Variants in APBA2 observed in about 807,000 individuals in gnomAD.
The protein encoded by APBA2 is amyloid-beta A4 precursor protein-binding family A member 2.
Under a neutral mutation model 75.0 loss-of-function variants are expected in APBA2, and 30 were observed. The ratio of observed to expected loss-of-function variants is 0.40; its 90% CI spans 0.30 to 0.54. APBA2 has a LOEUF of 0.54. Ranked by LOEUF, APBA2 falls within the 20% of genes least tolerant of loss-of-function variation. The pLI, the probability that APBA2 is intolerant of heterozygous loss-of-function variation, is 0.49. For synonymous variants in APBA2, 444 were observed against 409.6 expected (o/e 1.08, Z -1.01); for missense variants, 801 against 1,016.1 (o/e 0.79, Z 2.88).
At chr15:29,008,424 T>A (rs1158159401) in intron 3 of APBA2, among the ~76,000 whole-genome samples, 2 of 152,134 alleles carry the variant, frequency 1.3e-5, no homozygotes, top group South Asian at 2.1e-4. Context: ...TTTTTTTTCT[T>A]ACAACGGAAA....
intron 2 of APBA2, among the ~76,000 whole-genome samples, chr15:28,924,571 C>G (rs2034154463): frequency 6.6e-6 from 1 of 152,088 alleles, no homozygotes; most frequent in Non-Finnish European, 1.5e-5. Flanking sequence ...TGTGGATGAC[C>G]CATGTTGCAA....
chr15:29,048,045 G>T lies in APBA2; in HGVS notation c.-40-5800G>T, dbSNP rs57128841. On this transcript the variant is annotated intron_variant, in intron 3 of 14. Coordinates refer to ENST00000683413, the MANE Select transcript of APBA2 (RefSeq NM_001353788.2). The stretch of plus-strand genomic sequence containing the variant: ...AAATTGGGTAAAAAGACTCAGTATT[G>T]TAAGTATGAATAATTTCTGAGGCCG... Among the ~76,000 whole-genome samples the T allele has an allele frequency of 7.2e-3, 1,094 of 152,242 alleles. 12 individuals carry two copies. The highest frequency in any genetic ancestry group is 0.025 in the African/African-American group (1,030 of 41,538).
Position 28,975,282 on chromosome 15 carries a change from A to G in APBA2, c.-94-20471A>G, listed in dbSNP as rs542229571. Among the ~76,000 whole-genome samples, 8 of 152,342 alleles carry G rather than the reference A, an allele frequency of 5.3e-5. No homozygotes were observed. In the South Asian group the frequency reaches 1.2e-3, roughly 24 times the overall value. On this transcript the variant is annotated intron_variant, in intron 2 of 14. Coordinates refer to ENST00000683413, the MANE Select transcript of APBA2 (RefSeq NM_001353788.2). Reference sequence around the variant, plus strand: ...ATTCTATCAAATCTTCAAAGAACAGATATCTCAATGCTACTTAAATTATTC... The same window carrying G: ...ATTCTATCAAATCTTCAAAGAACAGGTATCTCAATGCTACTTAAATTATTC...
intron 1 of APBA2, among the ~76,000 whole-genome samples, chr15:28,909,008 A>C (rs1260564655): frequency 3.0e-5 from 4 of 134,890 alleles, no homozygotes; most frequent in African/African-American, 9.0e-5. Context: ...TTTTTTTGAG[A>C]CACTGTCTTG....
intron 1 of APBA2, among the ~76,000 whole-genome samples, chr15:28,904,586 C>T (rs558309009): frequency 1.3e-5 from 2 of 152,324 alleles, no homozygotes; most frequent in Admixed American, 6.5e-5. Context: ...TTGCCCTCCC[C>T]TCTTCCTTCC....
chr15:29,027,548 C>T (rs2040280764), intron 3 of APBA2, among the ~76,000 whole-genome samples: 1 of 151,574 alleles, frequency 6.6e-6, no homozygotes, highest in Non-Finnish European at 1.5e-5. Context: ...TCTTTTTATA[C>T]TGGGCCAACT....
chr15:28,915,998 CA>C (rs2033674836), intron 1 of APBA2, among the ~76,000 whole-genome samples: 2 of 152,214 alleles, frequency 1.3e-5, no homozygotes, highest in Admixed American at 6.5e-5. Context: ...ACACCCCCGC[CA>C]CACACATTTG....
intron 10 of APBA2, among the ~76,000 whole-genome samples, chr15:29,104,700 G>A (rs939954386): frequency 1.3e-5 from 2 of 152,208 alleles, no homozygotes; most frequent in Non-Finnish European, 2.9e-5. Flanking sequence ...TGTTGCTACC[G>A]ATAAATACAT....
intron 4 of APBA2, among the ~76,000 whole-genome samples, chr15:29,067,191 C>T (rs999566054): frequency 7.9e-5 from 12 of 152,208 alleles, no homozygotes; most frequent in African/African-American, 2.9e-4. Context: ...CCAGACACCT[C>T]CTACCAGGCC....
intron 2 of APBA2, among the ~76,000 whole-genome samples, chr15:28,934,908 G>A (rs1180142495): frequency 6.6e-6 from 1 of 152,214 alleles, no homozygotes; most frequent in Admixed American, 6.5e-5. Flanking sequence ...CTGGGATAGA[G>A]CCCGGAGACC....
At position 29,046,327 on chromosome 15, in the gene APBA2, A is replaced by G. The variant is rs917356792; in HGVS notation, c.-40-7518A>G. ...CTTTCCTTCTCACCTCCCCTTGGCC[A>G]CACCCCACTTTTGTGTCTTGGGAAT... On this transcript the variant is annotated intron_variant, in intron 3 of 14. Transcript: ENST00000683413. The surrounding 1 kb of genome is among the most constrained non-coding windows in gnomAD (Gnocchi z 5.0). Among the ~76,000 whole-genome samples the G allele has an allele frequency of 1.4e-4, 21 of 152,212 alleles. No homozygotes were observed. The highest frequency in any genetic ancestry group is 1.2e-3 in the Admixed American group (19 of 15,278).
At chr15:28,985,988 G>C (rs766137970) in intron 2 of APBA2, among the ~76,000 whole-genome samples, 9 of 152,168 alleles carry the variant, frequency 5.9e-5, no homozygotes, top group Admixed American at 1.3e-4. Context: ...CCTCCTGGGG[G>C]ATGTGGTGCC....
intron 3 of APBA2, among the ~76,000 whole-genome samples, chr15:29,002,401 C>T (rs532911360): frequency 1.3e-5 from 2 of 152,148 alleles, no homozygotes; most frequent in African/African-American, 2.4e-5. Context: ...TTGGGCAAAT[C>T]GCTTAATCTC....
intron 4 of APBA2, among the ~76,000 whole-genome samples, chr15:29,069,818 C>T (rs1327247655): frequency 1.3e-5 from 2 of 152,266 alleles, no homozygotes; most frequent in Admixed American, 1.3e-4. Flanking sequence ...TTGGATGGTA[C>T]TTGACAAAGC....
intron 3 of APBA2, among the ~76,000 whole-genome samples, chr15:28,997,508 A>G (rs1005420343): frequency 9.9e-5 from 15 of 152,210 alleles, no homozygotes; most frequent in Non-Finnish European, 1.9e-4. Flanking sequence ...GATTATCACC[A>G]GCAGTAAGGA....
intron 9 of APBA2, among the ~76,000 whole-genome samples, chr15:29,099,575 C>T (rs373345240): frequency 2.6e-5 from 4 of 152,222 alleles, no homozygotes; most frequent in East Asian, 3.9e-4. Context: ...GCCTAGACCA[C>T]GTTGTTTGCA....
chr15:29,082,176 C>T (rs1175407026), intron 6 of APBA2, among the ~76,000 whole-genome samples: 4 of 152,178 alleles, frequency 2.6e-5, no homozygotes, highest in African/African-American at 9.7e-5. Context: ...CTTTTCAGTG[C>T]ACTGCCAGTT....
chr15:29,020,282 GT>G (rs57525831), intron 3 of APBA2, among the ~76,000 whole-genome samples: 39,773 of 140,292 alleles, frequency 0.28, 10,961 homozygotes, highest in African/African-American at 0.7. Context: ...TGTTTTAGGT[GT>G]TTTTTTTTTT....
At chr15:29,116,358 G>A (rs541490297) in intron 14 of APBA2, among the ~76,000 whole-genome samples, 143 of 152,222 alleles carry the variant, frequency 9.4e-4, no homozygotes, top group Middle Eastern at 6.8e-3. Flanking sequence ...CGGGCGCGGT[G>A]GCTCAGGCCT....
Sources: allele counts gnomAD v4.1 joint callset (sites outside exome capture counted in the v4.1 genomes callset), GRCh38; gene constraint gnomAD v4.1.1; non-coding constraint Gnocchi (gnomAD v3.1); transcripts MANE v1.5; gene names NCBI Gene and HGNC (gene_info 2026-07-23, HGNC 2026-07-21).